MRC1: variants seen among roughly 807,000 people sequenced by gnomAD.
MRC1 encodes mannose receptor C-type 1.
A neutral mutation model predicts 102.9 loss-of-function variants in MRC1; 62 were observed. The observed-to-expected ratio is 0.60, with a 90% CI of 0.49 to 0.74. The LOEUF is 0.74. Among genes scored for constraint, MRC1 ranks in the 30% least tolerant of loss-of-function variants. The probability of loss-of-function intolerance (pLI) is 0.00; values close to 1 mark genes in which losing one functional copy is unlikely to be tolerated. For synonymous variants in MRC1, 457 were observed against 298.4 expected, an observed-to-expected ratio of 1.53 and a Z score of -5.48; for missense variants, 1,237 against 862.8, an observed-to-expected ratio of 1.43 and a Z score of -5.43.
rs782630972 is a variant in MRC1, at chr10:17,880,661, C to T, written c.2856C>T (p.Tyr952=). The change falls in exon 20 of 30, where the codon TAC becomes TAT. Residue 952 remains tyrosine (Y), a synonymous_variant. Transcript: ENST00000569591. ...GGTGCAAGGAAGGTTGGAATTTCTA[C>T]AGCAACAAGGTACTAGGAAAATTAG... is the stretch of plus-strand genomic sequence containing the variant. The part of the protein sequence containing the change: ...PSGCKEGWNF[Y]SNKCFKIFGF... 9.0e-6 allele frequency: 7 copies of T among 780,850 alleles called. No individual in the cohort carries two copies. Among genetic ancestry groups the T allele is most frequent in the Non-Finnish European group, 1.7e-5 (7 of 417,950 alleles). 48.4% of individuals were successfully genotyped at this position (780,850 alleles called of 1,614,324 possible).
intron 17 of MRC1, 128 bp from the exon 18 acceptor site, chr10:17,877,772 C>T (rs1833457235): frequency 3.9e-6 from 3 of 763,958 alleles, no homozygotes; most frequent in Non-Finnish European, 7.2e-6. Context: ...GAATGTACTA[C>T]ATTTCTGCAG....
At chr10:17,829,905 G>A (rs1838543454) in intron 3 of MRC1, among the ~76,000 whole-genome samples, 1 of 151,530 alleles carries the variant, frequency 6.6e-6, no homozygotes, top group East Asian at 1.9e-4. Context: ...AGTTTGTTCA[G>A]TGGAATAATT....
In MRC1 at chr10:17,822,488, G is replaced by T. The variant is rs966530904; in HGVS notation, c.62-586G>T. Among the ~76,000 whole-genome samples the T allele has an allele frequency of 1.2e-4, 18 of 152,210 alleles. No homozygotes were observed. In the South Asian group the frequency reaches 1.9e-3, roughly 16 times the overall value. On this transcript the variant is annotated intron_variant, in intron 1 of 29. Transcript: ENST00000569591. ...AATAAAAAATGAGTTGGTTATGGTG[G>T]TACAAGCCTGTAGTCCCAGCTACTT... is the stretch of plus-strand genomic sequence containing the variant.
At chr10:17,896,529 C>T (rs903267073) in intron 23 of MRC1, among the ~76,000 whole-genome samples, 175 of 152,304 alleles carry the variant, frequency 1.1e-3, no homozygotes, top group African/African-American at 4.1e-3. Context: ...TATACACATA[C>T]ATGATAGAAT....
intron 3 of MRC1, among the ~76,000 whole-genome samples, chr10:17,828,999 C>T (rs890703085): frequency 3.3e-5 from 5 of 151,396 alleles, no homozygotes; most frequent in East Asian, 1.9e-4. Flanking sequence ...TGGCTCCACC[C>T]TTCCCAAACT....
At chr10:17,813,458 A>G (rs945924988) in intron 1 of MRC1, among the ~76,000 whole-genome samples, 16 of 152,074 alleles carry the variant, frequency 1.1e-4, no homozygotes, top group Non-Finnish European at 1.9e-4. Flanking sequence ...TCCAATATAA[A>G]TGTATGTCTT....
chr10:17,842,096 G>T (rs1838760624), intron 5 of MRC1, among the ~76,000 whole-genome samples: 1 of 152,078 alleles, frequency 6.6e-6, no homozygotes. Context: ...CTAAGAGGCT[G>T]GGATTACAAG....
intron 3 of MRC1, among the ~76,000 whole-genome samples, chr10:17,830,482 G>A (rs1554838979): frequency 6.6e-6 from 1 of 151,432 alleles, no homozygotes; most frequent in African/African-American, 2.5e-5. Flanking sequence ...TATACAGGAG[G>A]ATGAGGAACC....
chr10:17,852,892 C>A (rs1387804646), intron 7 of MRC1, 75 bp from the exon 8 acceptor site: 2 of 779,390 alleles, frequency 2.6e-6, no homozygotes, highest in South Asian at 1.3e-5. Flanking sequence ...AAGCAGAGTG[C>A]CTTCCGTTCC....
intron 15 of MRC1, among the ~76,000 whole-genome samples, chr10:17,873,078 C>T (rs915305936): frequency 2.6e-5 from 4 of 152,100 alleles, no homozygotes; most frequent in African/African-American, 9.7e-5. Flanking sequence ...TTTGCATTAT[C>T]GTAGCTCTAC....
chr10:17,838,425 G>A (rs75884775), intron 4 of MRC1, among the ~76,000 whole-genome samples: 28,083 of 151,912 alleles, frequency 0.18, 2,844 homozygotes, highest in Non-Finnish European at 0.22. Context: ...AATCAGATTT[G>A]TGGCTCCGTA....
At chr10:17,887,240 A>G (rs1454887656) in intron 22 of MRC1, among the ~76,000 whole-genome samples, 1 of 152,110 alleles carries the variant, frequency 6.6e-6, no homozygotes, top group Admixed American at 6.6e-5. Flanking sequence ...ATACAAAAAA[A>G]ATTAGCCGGG....
rs1395419384 is a variant in MRC1, at chr10:17,865,107, T to A, written c.1783+1425T>A. 2.6e-5 allele frequency among the ~76,000 whole-genome samples: 4 copies of A among 152,306 alleles called. No homozygotes were observed. The South Asian group carries it at 6.2e-4, about 24-fold the overall frequency. On this transcript the variant is annotated intron_variant, in intron 11 of 29. Coordinates refer to ENST00000569591, the MANE Select transcript of MRC1 (RefSeq NM_002438.4). ...TTTAATATGACAACACACAGAGAAA[T>A]TTCAACATCCCTTATAGCAAATATT...
In MRC1 at chr10:17,837,801, A is replaced by G. The variant is rs911441037; in HGVS notation, c.803-2892A>G. On this transcript the variant is annotated intron_variant, in intron 4 of 29. Coordinates refer to ENST00000569591, the MANE Select transcript of MRC1 (RefSeq NM_002438.4). ...ATTTTAGTAGACACAGGGTTTCACC[A>G]TGTTGCCCAGGATGGTTTTGAACTC... Among the ~76,000 whole-genome samples the G allele has an allele frequency of 3.3e-5, 5 of 152,060 alleles. No homozygotes were observed. In the Middle Eastern group the frequency reaches 0.014, roughly 414 times the overall value.
At chr10:17,906,076 C>T (rs1344632908) in intron 26 of MRC1, among the ~76,000 whole-genome samples, 1 of 152,036 alleles carries the variant, frequency 6.6e-6, no homozygotes, top group Non-Finnish European at 1.5e-5. Flanking sequence ...TGTTTTATTT[C>T]CTTGCTTTGA....
chr10:17,881,922 C>T (rs2130692784), intron 21 of MRC1, among the ~76,000 whole-genome samples: 1 of 139,382 alleles, frequency 7.2e-6, no homozygotes, highest in Middle Eastern at 4.3e-3. Context: ...ATCTCAGCCT[C>T]CCAAAGTGTT....
intron 1 of MRC1, among the ~76,000 whole-genome samples, chr10:17,814,839 A>G (rs1184622051): frequency 1.3e-5 from 2 of 151,316 alleles, no homozygotes; most frequent in African/African-American, 4.9e-5. Flanking sequence ...TAATTTTTGT[A>G]TTTTTAGTAG....
At chr10:17,867,159 G>C (rs1410398216) in intron 12 of MRC1, among the ~76,000 whole-genome samples, 3 of 125,840 alleles carry the variant, frequency 2.4e-5, no homozygotes, top group Non-Finnish European at 3.2e-5. Context: ...CCCTTCCTCT[G>C]TTCCTTCCTT....
intron 6 of MRC1, among the ~76,000 whole-genome samples, chr10:17,847,467 A>G (rs370752032): frequency 0.78 from 118,445 of 152,196 alleles, 46,345 homozygotes; most frequent in South Asian, 0.87. Context: ...TACTCCCTGG[A>G]TTAATGATTC....
Sources: gnomAD v4.1 joint callset for allele counts (sites outside exome capture counted in the v4.1 genomes callset) on GRCh38, gnomAD v4.1.1 for gene constraint, MANE v1.5 for transcripts, NCBI Gene and HGNC (gene_info 2026-07-23, HGNC 2026-07-21) for gene names.